The following ETS2 variants were observed in gnomAD, a reference collection of about 807,000 sequenced individuals.
The protein encoded by ETS2 is protein C-ets-2.
In ETS2, 19 loss-of-function variants were observed where a neutral mutation model predicts 54.9. That is an observed-to-expected ratio of 0.35 (90% CI 0.24 to 0.51). The LOEUF (loss-of-function observed/expected upper bound fraction) is 0.51. ETS2 is among the 20% of genes least tolerant of loss of function. The pLI is 0.97. For synonymous variants in ETS2, 219 were observed against 229.3 expected (o/e 0.95, Z 0.41); for missense variants, 417 against 593.0 (o/e 0.70, Z 3.08).
intron 2 of ETS2, among the ~76,000 whole-genome samples, chr21:38,812,781 AAATAAT>A (rs199778083): frequency 1.3e-5 from 2 of 151,776 alleles, no homozygotes; most frequent in African/African-American, 2.4e-5. Flanking sequence ...ACCTGTCTCA[AAATAAT>A]AATAATAATA....
rs1044685053 is a variant in ETS2, at chr21:38,806,070, G to A, written c.-51G>A. 7 of 1,160,732 alleles carry A rather than the reference G, an allele frequency of 6.0e-6. No individual in the cohort carries two copies. Among genetic ancestry groups the A allele is most frequent in the African/African-American group, 5.1e-5 (3 of 59,034 alleles). The allele number at this position is 1,160,732 out of a possible 1,614,324, so 71.9% of individuals were successfully genotyped here. On this transcript the variant is annotated 5_prime_UTR_variant, in exon 1 of 10. Transcript: ENST00000360938. This position sits in a 1 kb window ranked among gnomAD's most constrained non-coding sequence, Gnocchi z 4.3. ...CGGCGCGCACCGAGCAGCCGCGGGC[G>A]CCGAGCAGCCACCGTCCCGACCAAG...
At position 38,814,407 on chromosome 21, in the gene ETS2, C is replaced by T. The variant is rs756177102; in HGVS notation, c.304+15C>T. ...CATTCCAAAGAGTAAGTACTGCTTT[C>T]CTGAGCCTGCACTGGGTGAGAAGAA... On this transcript the variant is annotated intron_variant, in intron 4 of 9. Transcript: ENST00000360938. This position sits in a 1 kb window ranked among gnomAD's most constrained non-coding sequence, Gnocchi z 4.2. 6 of 1,613,796 alleles carry T rather than the reference C, an allele frequency of 3.7e-6. No homozygotes were observed. In the South Asian group the frequency reaches 6.6e-5, roughly 18 times the overall value.
rs1465040434 is a variant in ETS2, at chr21:38,819,511, A to G, written c.820A>G (p.Lys274Glu). Reference sequence around the variant, plus strand: ...TTGGTTGTCTTTGCCAGGGACTCCCAAAGACCACGACTCCCCTGAGAACGG... The same window carrying G: ...TTGGTTGTCTTTGCCAGGGACTCCCGAAGACCACGACTCCCCTGAGAACGG... ...NLLTNNSGTP[K>E]DHDSPENGAD... Residue 274 changes from lysine to glutamate, a missense_variant, in exon 8 of 10, where the codon AAA (lysine) becomes GAA (glutamate). Lys to Glu is a moderately conservative substitution (Grantham distance 56). Transcript: ENST00000360938. 1 of 1,613,786 alleles carries G rather than the reference A, an allele frequency of 6.2e-7. No individual in the cohort carries two copies. Among genetic ancestry groups the G allele is most frequent in the East Asian group, 2.2e-5 (1 of 44,880 alleles).
At chr21:38,820,566 T>C (rs1389152183) in intron 8 of ETS2, among the ~76,000 whole-genome samples, 1 of 152,208 alleles carries the variant, frequency 6.6e-6, no homozygotes, top group Non-Finnish European at 1.5e-5. Context: ...TGTGGTTCAT[T>C]TTAATAGTAA....
Position 38,813,008 on chromosome 21 carries a change from G to A in ETS2, c.78G>A (p.Gln26=). The change falls in exon 3 of 10, where the codon CAG becomes CAA. Residue 26 remains glutamine, a synonymous_variant. Coordinates refer to ENST00000360938, the MANE Select transcript of ETS2 (RefSeq NM_005239.6). The part of the protein sequence containing the change: ...ANSYRGTLKR[Q]PAFDTFDGSL... ...TTTTCCATCTGTTTTTGCAGCGCCA[G>A]CCAGCCTTTGACACCTTTGATGGGT... is the stretch of plus-strand genomic sequence containing the variant. 6.2e-7 allele frequency: 1 copy of A among 1,612,050 alleles called. No individual in the cohort carries two copies. Among genetic ancestry groups the A allele is most frequent in the Non-Finnish European group, 8.5e-7 (1 of 1,178,204 alleles).
In ETS2 at chr21:38,819,512, A is replaced by C; in HGVS notation, c.821A>C (p.Lys274Thr). ...TGGTTGTCTTTGCCAGGGACTCCCA[A>C]AGACCACGACTCCCCTGAGAACGGT... The part of the protein sequence containing the change: ...NLLTNNSGTP[K>T]DHDSPENGAD... Residue 274 changes from lysine to threonine, a missense_variant, in exon 8 of 10, where the codon AAA becomes ACA. Physicochemically the swap from Lys to Thr is moderately conservative, Grantham distance 78. Coordinates refer to ENST00000360938, the MANE Select transcript of ETS2 (RefSeq NM_005239.6). The C allele has an allele frequency of 6.2e-7, 1 of 1,613,776 alleles. No homozygotes were observed.
At chr21:38,820,026 A>T (rs1601432083) in intron 8 of ETS2, among the ~76,000 whole-genome samples, 1 of 152,198 alleles carries the variant, frequency 6.6e-6, no homozygotes, top group East Asian at 1.9e-4. Context: ...CGTTCTGAGG[A>T]ATAGTTGGAG....
intron 2 of ETS2, among the ~76,000 whole-genome samples, chr21:38,812,199 T>C (rs1394438128): frequency 6.7e-6 from 1 of 148,944 alleles, no homozygotes; most frequent in East Asian, 1.9e-4. Context: ...GATAAAGTAG[T>C]GTATTTCATT....
chr21:38,818,324 G>T, intron 6 of ETS2, 101 bp from the exon 7 acceptor site: 2 of 1,523,480 alleles, frequency 1.3e-6, no homozygotes, highest in Non-Finnish European at 1.8e-6. Flanking sequence ...TCTGCAGAGG[G>T]CTGGAGTGTG....
Position 38,823,540 on chromosome 21 carries a change from A to T in ETS2, c.*651A>T, listed in dbSNP as rs1051420. On this transcript the variant is annotated 3_prime_UTR_variant, in exon 10 of 10. Coordinates refer to ENST00000360938, the MANE Select transcript of ETS2 (RefSeq NM_005239.6). ...AATCTGCCAAGGGCCGACTAAGAGA[A>T]GTTGTAAAGTATGTATTATTTACAT... 2 of 152,260 alleles carry T rather than the reference A, an allele frequency of 1.3e-5. No homozygotes were observed. The highest frequency in any genetic ancestry group is 2.4e-5 in the African/African-American group (1 of 41,390). The allele number at this position is 152,260 out of a possible 1,614,324, so 9.4% of individuals were successfully genotyped here.
intron 5 of ETS2, among the ~76,000 whole-genome samples, chr21:38,816,699 T>G (rs2060936807): frequency 1.3e-5 from 2 of 152,230 alleles, no homozygotes; most frequent in Non-Finnish European, 2.9e-5. Flanking sequence ...TCATAAATAC[T>G]TAACTGTTTC....
chr21:38,812,627 A>C (rs191542344), intron 2 of ETS2, among the ~76,000 whole-genome samples: 1 of 152,274 alleles, frequency 6.6e-6, no homozygotes, highest in East Asian at 1.9e-4. Context: ...CTAAAAATGC[A>C]AAAATTATCC....
At chr21:38,810,156 T>G in intron 2 of ETS2, 50 bp downstream of exon 2, 4 of 1,165,432 alleles carry the variant, frequency 3.4e-6, no homozygotes, top group South Asian at 1.6e-5. Context: ...ACTCGATCTC[T>G]AGGAGGAAAG....
At position 38,819,707 on chromosome 21, in the gene ETS2, G is replaced by A. The variant is rs756087792; in HGVS notation, c.1016G>A (p.Ser339Asn). 1.9e-6 allele frequency: 3 copies of A among 1,613,984 alleles called. No individual in the cohort carries two copies. The highest frequency in any genetic ancestry group is 2.7e-5 in the African/African-American group (2 of 74,936). ...MSFKDYIQER[S>N]DPVEQGKPVI... Reference sequence around the variant, plus strand: ...TTCAAGGATTACATCCAAGAGAGGAGTGACCCAGTGGAGCAAGGCAAACCA... The same window carrying A: ...TTCAAGGATTACATCCAAGAGAGGAATGACCCAGTGGAGCAAGGCAAACCA... Residue 339 changes from serine to asparagine, a missense_variant, in exon 8 of 10, where the codon AGT becomes AAT. This residue lies in a region of ETS2 where 326 missense variants were observed against 426.1 expected (regional missense o/e 0.76). Coordinates refer to ENST00000360938, the MANE Select transcript of ETS2 (RefSeq NM_005239.6).
At chr21:38,808,590 A>ATGTGCGTGTG (rs1218101445) in intron 1 of ETS2, among the ~76,000 whole-genome samples, 2 of 148,342 alleles carry the variant, frequency 1.3e-5, no homozygotes, top group African/African-American at 5.0e-5. Context: ...GTGTGTGTGT[A>ATGTGCGTGTG]TGTGTGTGTG....
In ETS2 at chr21:38,810,121, C is replaced by A; in HGVS notation, c.72+15C>A. On this transcript the variant is annotated intron_variant, in intron 2 of 9. Transcript: ENST00000360938. ...GGACACTCAAGGTGAGTGGGCAAGT[C>A]TTAATTTTTTTTTTTAATTGGAAAA... 2.7e-6 allele frequency: 4 copies of A among 1,463,680 alleles called. No individual in the cohort carries two copies. Among genetic ancestry groups the A allele is most frequent in the South Asian group, 1.4e-5 (1 of 72,390 alleles). The allele number at this position is 1,463,680 out of a possible 1,614,324, so 90.7% of individuals were successfully genotyped here.
Position 38,809,847 on chromosome 21 carries a change from G to GA in ETS2, c.1-187dup. 1.5e-5 allele frequency: 8 copies of GA among 524,630 alleles called. No homozygotes were observed. In the South Asian group the frequency reaches 2.1e-4, roughly 14 times the overall value. 32.5% of individuals were successfully genotyped at this position (524,630 alleles called of 1,614,324 possible). ...TCACTGAAACAGCATATCCCATTGT[G>GA]ATACTGAGAAATGCTTTCCTCTTGA... On this transcript the variant is annotated intron_variant, in intron 1 of 9. Transcript: ENST00000360938.
At chr21:38,813,473 A>T (rs11088449) in intron 3 of ETS2, among the ~76,000 whole-genome samples, 45,385 of 152,034 alleles carry the variant, frequency 0.3, 7,708 homozygotes, top group Admixed American at 0.4. Flanking sequence ...CCAAACTTGT[A>T]ATTTGGGTTT....
chr21:38,814,403 C>T lies in ETS2; in HGVS notation c.304+11C>T, dbSNP rs767789203. On this transcript the variant is annotated intron_variant, in intron 4 of 9. Transcript: ENST00000360938. The surrounding 1 kb of genome is among the most constrained non-coding windows in gnomAD (Gnocchi z 4.2). ...TGGGCATTCCAAAGAGTAAGTACTGCTTTCCTGAGCCTGCACTGGGTGAGA... is the reference window on the plus strand; with the variant it reads ...TGGGCATTCCAAAGAGTAAGTACTGTTTTCCTGAGCCTGCACTGGGTGAGA... The T allele has an allele frequency of 1.9e-6, 3 of 1,613,848 alleles. No individual in the cohort carries two copies. The highest frequency in any genetic ancestry group is 2.5e-6 in the Non-Finnish European group (3 of 1,179,918).
Sources: allele counts gnomAD v4.1 joint callset (sites outside exome capture counted in the v4.1 genomes callset), GRCh38; gene constraint gnomAD v4.1.1; regional missense constraint gnomAD v4.1.1; non-coding constraint Gnocchi (gnomAD v3.1); transcripts MANE v1.5; gene names NCBI Gene and HGNC (gene_info 2026-07-23, HGNC 2026-07-21).